Variants in PRKCA observed in about 807,000 individuals in gnomAD.
PRKCA encodes protein kinase C alpha.
In PRKCA, 27 loss-of-function variants were observed where a neutral mutation model predicts 87.0. The observed-to-expected ratio is 0.31, with a 90% CI of 0.23 to 0.43. The LOEUF (loss-of-function observed/expected upper bound fraction) is 0.43. Among genes scored for constraint, PRKCA ranks in the 20% least tolerant of loss-of-function variants. The pLI, the probability that PRKCA is intolerant of heterozygous loss-of-function variation, is 1.00. For missense variants in PRKCA, 518 were observed against 852.3 expected (o/e 0.61, Z 4.88); for synonymous variants, 329 against 311.1 (o/e 1.06, Z -0.61).
Position 66,643,282 on chromosome 17 carries a change from T to C in PRKCA, c.400+1816T>C, listed in dbSNP as rs190584496. On this transcript the variant is annotated intron_variant, in intron 4 of 16. Transcript: ENST00000413366. ...AAGAGTCAGCTGGGATGGGGAAGCA[T>C]GCCGTTAGACACGGTTCCTGTTTGT... 9.5e-3 allele frequency among the ~76,000 whole-genome samples: 1,447 copies of C among 152,302 alleles called. 11 individuals are homozygous for C. Among genetic ancestry groups the C allele is most frequent in the Non-Finnish European group, 0.015 (997 of 68,026 alleles).
chr17:66,578,879 T>A (rs1251435067), intron 3 of PRKCA, among the ~76,000 whole-genome samples: 1 of 151,868 alleles, frequency 6.6e-6, no homozygotes, highest in Admixed American at 6.5e-5. Flanking sequence ...GACACTCATC[T>A]GTTTCGACCT....
chr17:66,468,817 C>T lies in PRKCA; in HGVS notation c.206-27384C>T, dbSNP rs952424481. On this transcript the variant is annotated intron_variant, in intron 2 of 16. Coordinates refer to ENST00000413366, the MANE Select transcript of PRKCA (RefSeq NM_002737.3). ...CAGGAGAAACCCAGATTCCCATTCA[C>T]CACTTCCTCTCACCTCCAGAAATTA... 1.9e-4 allele frequency among the ~76,000 whole-genome samples: 29 copies of T among 152,268 alleles called. 1 individual carries two copies. The highest frequency in any genetic ancestry group is 1.1e-3 in the Admixed American group (17 of 15,298).
At chr17:66,712,184 T>C (rs1026019594) in intron 8 of PRKCA, among the ~76,000 whole-genome samples, 3 of 152,126 alleles carry the variant, frequency 2.0e-5, no homozygotes, top group Non-Finnish European at 4.4e-5. Flanking sequence ...AAGAGGCACC[T>C]CTTGATCACT....
intron 3 of PRKCA, among the ~76,000 whole-genome samples, chr17:66,552,703 A>G (rs1261271680): frequency 4.6e-5 from 7 of 152,194 alleles, no homozygotes; most frequent in Non-Finnish European, 1.0e-4. Flanking sequence ...CTCTAATCAC[A>G]TAAGTGACAA....
intron 2 of PRKCA, among the ~76,000 whole-genome samples, chr17:66,421,831 C>T (rs1024153633): frequency 6.6e-6 from 1 of 152,042 alleles, no homozygotes; most frequent in African/African-American, 2.4e-5. Flanking sequence ...GTGTGAACCA[C>T]CATGCCTGGC....
At chr17:66,345,255 T>C (rs1196943029) in intron 2 of PRKCA, among the ~76,000 whole-genome samples, 1 of 152,110 alleles carries the variant, frequency 6.6e-6, no homozygotes, top group African/African-American at 2.4e-5. Context: ...ACACCAGTTT[T>C]CTAGCTACTT....
At chr17:66,458,324 T>G (rs1177891781) in intron 2 of PRKCA, among the ~76,000 whole-genome samples, 2 of 152,098 alleles carry the variant, frequency 1.3e-5, no homozygotes, top group African/African-American at 4.8e-5. Flanking sequence ...AACCTTGAAG[T>G]AAGGTACAAA....
intron 3 of PRKCA, among the ~76,000 whole-genome samples, chr17:66,560,993 C>T (rs1010277538): frequency 5.9e-5 from 9 of 152,178 alleles, no homozygotes; most frequent in Non-Finnish European, 8.8e-5. Flanking sequence ...TTCCCTGGAA[C>T]CTTTCCATTT....
chr17:66,641,496 C>T lies in PRKCA; in HGVS notation c.400+30C>T, dbSNP rs761948885. 1.0e-5 allele frequency: 16 copies of T among 1,534,184 alleles called. 1 individual carries two copies. Among genetic ancestry groups the T allele is most frequent in the Admixed American group, 8.5e-5 (5 of 58,690 alleles). On this transcript the variant is annotated intron_variant, in intron 4 of 16. Coordinates refer to ENST00000413366, the MANE Select transcript of PRKCA (RefSeq NM_002737.3). The stretch of plus-strand genomic sequence containing the variant: ...GTAAGTTTTCTTTTCCAGTTCATAG[C>T]GAGGCTCTGTAGCTCATGCTCAGGG...
intron 3 of PRKCA, among the ~76,000 whole-genome samples, chr17:66,543,458 T>C (rs1425184897): frequency 6.6e-6 from 1 of 152,200 alleles, no homozygotes; most frequent in African/African-American, 2.4e-5. Flanking sequence ...TTGAGACTAA[T>C]GAAATGAAAT....
At chr17:66,645,765 A>T (rs16959791) in intron 5 of PRKCA, among the ~76,000 whole-genome samples, 14,999 of 152,202 alleles carry the variant, frequency 0.099, 793 homozygotes, top group Middle Eastern at 0.18. Context: ...CACTGTGTGG[A>T]TTGGGCTATT....
intron 16 of PRKCA, among the ~76,000 whole-genome samples, chr17:66,794,596 T>G (rs558636170): frequency 6.6e-6 from 1 of 150,940 alleles, no homozygotes; most frequent in Non-Finnish European, 1.5e-5. Flanking sequence ...GTTATATTGT[T>G]TTTTTTGTTT....
At chr17:66,673,135 A>T (rs1193584836) in intron 5 of PRKCA, among the ~76,000 whole-genome samples, 1 of 152,232 alleles carries the variant, frequency 6.6e-6, no homozygotes, top group Non-Finnish European at 1.5e-5. Flanking sequence ...CATCAGAATT[A>T]TAGAACTTTA....
chr17:66,676,794 T>C (rs951655709), intron 5 of PRKCA: 1 of 152,138 alleles, frequency 6.6e-6, no homozygotes, highest in Non-Finnish European at 1.5e-5. Flanking sequence ...GAGGTGCTGG[T>C]TTCTGAAGGT....
intron 5 of PRKCA, among the ~76,000 whole-genome samples, chr17:66,664,521 A>G (rs74345968): frequency 1.4e-3 from 210 of 152,266 alleles, no homozygotes; most frequent in Non-Finnish European, 2.5e-3. Context: ...GATTGAGATG[A>G]TAAGAGGTAT....
intron 3 of PRKCA, among the ~76,000 whole-genome samples, chr17:66,575,383 A>T (rs1969205900): frequency 6.6e-6 from 1 of 152,196 alleles, no homozygotes; most frequent in Admixed American, 6.5e-5. Context: ...GTTCTAGACC[A>T]GCATGGCCAA....
At chr17:66,545,388 C>CACT (rs1968119008) in intron 3 of PRKCA, among the ~76,000 whole-genome samples, 1 of 152,188 alleles carries the variant, frequency 6.6e-6, no homozygotes, top group Non-Finnish European at 1.5e-5. Flanking sequence ...AAGATTGTGC[C>CACT]ACTGCACTCC....
intron 8 of PRKCA, among the ~76,000 whole-genome samples, chr17:66,693,500 C>T (rs1346664249): frequency 6.6e-6 from 1 of 152,194 alleles, no homozygotes; most frequent in Non-Finnish European, 1.5e-5. Context: ...GGGAACAAAG[C>T]AGGGAGCTTA....
At chr17:66,580,305 G>A (rs148655359) in intron 3 of PRKCA, among the ~76,000 whole-genome samples, 8 of 152,256 alleles carry the variant, frequency 5.3e-5, no homozygotes, top group East Asian at 1.9e-4. Flanking sequence ...TCAAGAGGTC[G>A]CTTTCAGCAG....
Sources: gnomAD v4.1 joint callset for allele counts (sites outside exome capture counted in the v4.1 genomes callset) on GRCh38, gnomAD v4.1.1 for gene constraint, MANE v1.5 for transcripts, NCBI Gene and HGNC (gene_info 2026-07-23, HGNC 2026-07-21) for gene names.